Variants in CDH4 observed in about 807,000 individuals in gnomAD.
CDH4 encodes cadherin-4.
In CDH4, 33 loss-of-function variants were observed where a neutral mutation model predicts 86.0. The ratio of observed to expected loss-of-function variants is 0.38; its 90% CI spans 0.29 to 0.51. The LOEUF (loss-of-function observed/expected upper bound fraction) is 0.51, where lower values mean the gene tolerates loss of function less well. Among genes scored for constraint, CDH4 ranks in the 20% least tolerant of loss-of-function variants. The probability of loss-of-function intolerance (pLI) is 0.86; values close to 1 mark genes in which losing one functional copy is unlikely to be tolerated. For missense variants in CDH4, 1,114 were observed against 1,307.4 expected (o/e 0.85, Z 2.28); for synonymous variants, 555 against 549.4 (o/e 1.01, Z -0.14).
chr20:61,412,712 G>A (rs947237056), intron 2 of CDH4, among the ~76,000 whole-genome samples: 6 of 152,282 alleles, frequency 3.9e-5, no homozygotes, highest in African/African-American at 1.2e-4. Flanking sequence ...GACTTTATTC[G>A]TGGAGTTCCC....
chr20:61,319,108 A>G (rs1478528529), intron 2 of CDH4, among the ~76,000 whole-genome samples: 1 of 152,200 alleles, frequency 6.6e-6, no homozygotes, highest in Non-Finnish European at 1.5e-5. Context: ...CGCTCACCTC[A>G]TGGTCCTTAG....
chr20:61,532,319 A>G (rs965051635), intron 2 of CDH4, among the ~76,000 whole-genome samples: 4 of 152,172 alleles, frequency 2.6e-5, no homozygotes, highest in African/African-American at 4.8e-5. Flanking sequence ...TTGTTCTTCT[A>G]TGGTCTTCAC....
At chr20:61,559,458 G>T (rs2086200040) in intron 2 of CDH4, among the ~76,000 whole-genome samples, 1 of 151,654 alleles carries the variant, frequency 6.6e-6, no homozygotes, top group Non-Finnish European at 1.5e-5. Flanking sequence ...CGGTTTCACT[G>T]GTCTGATCCA....
chr20:61,672,339 G>C (rs1484836242), intron 2 of CDH4, among the ~76,000 whole-genome samples: 1 of 152,140 alleles, frequency 6.6e-6, no homozygotes, highest in Non-Finnish European at 1.5e-5. Flanking sequence ...AGCATATCAG[G>C]TGCTCTGTAC....
chr20:61,313,110 C>T (rs1439026011), intron 2 of CDH4, among the ~76,000 whole-genome samples: 2 of 152,234 alleles, frequency 1.3e-5, no homozygotes, highest in Non-Finnish European at 2.9e-5. Context: ...GCTGGCTCTG[C>T]TCCAACGTGA....
intron 2 of CDH4, among the ~76,000 whole-genome samples, chr20:61,721,655 A>G (rs962692152): frequency 1.5e-4 from 23 of 152,310 alleles, no homozygotes; most frequent in African/African-American, 2.6e-4. Flanking sequence ...TGCACCATGC[A>G]CATTTCCCCT....
intron 7 of CDH4, among the ~76,000 whole-genome samples, chr20:61,877,498 G>T (rs1049865740): frequency 2.0e-5 from 3 of 152,134 alleles, no homozygotes; most frequent in Non-Finnish European, 2.9e-5. Flanking sequence ...ATGAGGAGAC[G>T]CTGGTGTTGC....
intron 2 of CDH4, among the ~76,000 whole-genome samples, chr20:61,263,574 TTGTC>T (rs1440293972): frequency 7.9e-5 from 12 of 152,302 alleles, no homozygotes; most frequent in African/African-American, 1.4e-4. Context: ...GCAGGGGACT[TTGTC>T]TGTATGTTTT....
intron 2 of CDH4, among the ~76,000 whole-genome samples, chr20:61,325,086 T>C (rs920898993): frequency 6.6e-6 from 1 of 152,098 alleles, no homozygotes; most frequent in African/African-American, 2.4e-5. Context: ...CCTTTCCCCA[T>C]GGGGCTATGT....
chr20:61,668,004 C>T (rs1261317715), intron 2 of CDH4, among the ~76,000 whole-genome samples: 2 of 152,218 alleles, frequency 1.3e-5, no homozygotes, highest in Admixed American at 6.5e-5. Context: ...AGGCTGGAAG[C>T]ACTTTGTTGC....
intron 2 of CDH4, among the ~76,000 whole-genome samples, chr20:61,382,305 G>T (rs533285290): frequency 5.9e-5 from 9 of 152,318 alleles, no homozygotes; most frequent in African/African-American, 1.9e-4. Context: ...GGAAAGGTAG[G>T]TGGTGTGAGG....
chr20:61,729,130 A>G (rs2145923066), intron 2 of CDH4, among the ~76,000 whole-genome samples: 1 of 151,688 alleles, frequency 6.6e-6, no homozygotes, highest in Non-Finnish European at 1.5e-5. Flanking sequence ...GCGTGTTTTG[A>G]CAAGAGGCCC....
At chr20:61,253,723 G>C (rs1462300448) in intron 1 of CDH4, among the ~76,000 whole-genome samples, 4 of 152,140 alleles carry the variant, frequency 2.6e-5, no homozygotes, top group Non-Finnish European at 5.9e-5. Flanking sequence ...CTCCTCCCTC[G>C]GTGCTGGGGG....
rs868392002 is a variant in CDH4, at chr20:61,330,308, G to C, written c.169+75371G>C. Among the ~76,000 whole-genome samples the C allele has an allele frequency of 3.3e-5, 5 of 152,302 alleles. No homozygotes were observed. The Middle Eastern group carries it at 0.01, about 311-fold the overall frequency. ...GAATCATCACACTGTCTTCCACAAT[G>C]GTTGGACTAATTTACACGCCCACCA... On this transcript the variant is annotated intron_variant, in intron 2 of 15. Coordinates refer to ENST00000614565, the MANE Select transcript of CDH4 (RefSeq NM_001794.5).
chr20:61,488,749 T>C (rs1040805411), intron 2 of CDH4, among the ~76,000 whole-genome samples: 1 of 152,170 alleles, frequency 6.6e-6, no homozygotes, highest in South Asian at 2.1e-4. Context: ...CTAAGCATGC[T>C]CCTGTCGGCT....
rs1009192067 is a variant in CDH4, at chr20:61,533,683, A to C, written c.170-209880A>C. On this transcript the variant is annotated intron_variant, in intron 2 of 15. Transcript: ENST00000614565. The stretch of plus-strand genomic sequence containing the variant: ...CTGCCGCCTCCTGCTTCATGGTTGC[A>C]CAGGTGCCCCATGAGACTAGATGGG... Among the ~76,000 whole-genome samples, 8 of 152,350 alleles carry C rather than the reference A, an allele frequency of 5.3e-5. No individual in the cohort carries two copies. The South Asian group carries it at 1.2e-3, about 24-fold the overall frequency.
chr20:61,268,291 C>G (rs2084167382), intron 2 of CDH4, among the ~76,000 whole-genome samples: 1 of 152,234 alleles, frequency 6.6e-6, no homozygotes, highest in Non-Finnish European at 1.5e-5. Flanking sequence ...GAAGGCACCT[C>G]TGGCTGCGCT....
chr20:61,832,799 G>A (rs1049748127), intron 4 of CDH4, among the ~76,000 whole-genome samples: 3 of 152,138 alleles, frequency 2.0e-5, no homozygotes, highest in Admixed American at 2.0e-4. Context: ...ACCACCTGGG[G>A]TACTGCCTGG....
At chr20:61,380,531 T>TTTTTTCCCCCCCC (rs2084894574) in intron 2 of CDH4, among the ~76,000 whole-genome samples, 2 of 148,838 alleles carry the variant, frequency 1.3e-5, no homozygotes, top group African/African-American at 2.5e-5. Flanking sequence ...CAAACCCCCC[T>TTTTTTCCCCCCCC]GCCCCCTCCC....
Sources: gnomAD v4.1 joint callset for allele counts (sites outside exome capture counted in the v4.1 genomes callset) on GRCh38, gnomAD v4.1.1 for gene constraint, MANE v1.5 for transcripts, NCBI Gene and HGNC (gene_info 2026-07-23, HGNC 2026-07-21) for gene names.